TRIP12: variants seen among roughly 807,000 people sequenced by gnomAD.
The protein encoded by TRIP12 is E3 ubiquitin-protein ligase TRIP12.
Under a neutral mutation model 244.2 loss-of-function variants are expected in TRIP12, and 25 were observed. The ratio of observed to expected loss-of-function variants is 0.10; its 90% CI spans 0.07 to 0.14. TRIP12 has a LOEUF of 0.14. Ranked by LOEUF, TRIP12 falls within the 10% of genes least tolerant of loss-of-function variation. The pLI, the probability that TRIP12 is intolerant of heterozygous loss-of-function variation, is 1.00. For synonymous variants in TRIP12, 905 were observed against 873.1 expected, an observed-to-expected ratio of 1.04 and a Z score of -0.64; for missense variants, 1,677 against 2,486.4, an observed-to-expected ratio of 0.67 and a Z score of 6.92.
chr2:229,912,726 G>C (rs2074554644), intron 1 of TRIP12, among the ~76,000 whole-genome samples: 1 of 152,174 alleles, frequency 6.6e-6, no homozygotes, highest in Non-Finnish European at 1.5e-5. Flanking sequence ...GTTGTGTGCT[G>C]TAGTCGTAAG....
At chr2:229,837,424 C>T (rs1244159388) in intron 5 of TRIP12, among the ~76,000 whole-genome samples, 1 of 152,100 alleles carries the variant, frequency 6.6e-6, no homozygotes, top group Non-Finnish European at 1.5e-5. Context: ...CACCTGAGCT[C>T]AGGAGTTCAA....
intron 4 of TRIP12, 115 bp from the exon 5 acceptor site, chr2:229,841,042 T>C (rs1209236050): frequency 8.2e-6 from 6 of 731,216 alleles, no homozygotes; most frequent in Non-Finnish European, 1.3e-5. Flanking sequence ...TTTTATAACC[T>C]CTCCAGCAGT....
intron 1 of TRIP12, among the ~76,000 whole-genome samples, chr2:229,901,677 A>C (rs1195669062): frequency 6.6e-6 from 1 of 152,092 alleles, no homozygotes; most frequent in Non-Finnish European, 1.5e-5. Context: ...ACTTCAGAAC[A>C]GTTTTTTAGG....
At chr2:229,852,508 A>T (rs1184456017) in intron 4 of TRIP12, among the ~76,000 whole-genome samples, 1 of 152,204 alleles carries the variant, frequency 6.6e-6, no homozygotes, top group Non-Finnish European at 1.5e-5. Flanking sequence ...TACTGGTTTT[A>T]TATTTATGCT....
intron 2 of TRIP12, among the ~76,000 whole-genome samples, chr2:229,873,685 C>G (rs528210968): frequency 3.9e-5 from 6 of 152,228 alleles, no homozygotes; most frequent in African/African-American, 9.6e-5. Context: ...GAAAACACAA[C>G]TCTATTTCTT....
intron 34 of TRIP12, among the ~76,000 whole-genome samples, chr2:229,782,394 T>A (rs2038510306): frequency 6.6e-6 from 1 of 152,126 alleles, no homozygotes; most frequent in Non-Finnish European, 1.5e-5. Context: ...AAATGGTTCC[T>A]CAATCTTCCT....
At chr2:229,905,732 T>C (rs1390844886) in intron 1 of TRIP12, among the ~76,000 whole-genome samples, 1 of 152,088 alleles carries the variant, frequency 6.6e-6, no homozygotes, top group Non-Finnish European at 1.5e-5. Context: ...CAATGCATAT[T>C]AAAAGCTGGG....
intron 32 of TRIP12, among the ~76,000 whole-genome samples, chr2:229,788,456 T>C (rs905795327): frequency 1.3e-5 from 2 of 152,214 alleles, no homozygotes; most frequent in African/African-American, 4.8e-5. Flanking sequence ...CTTACATTTA[T>C]CACTGCAGTT....
At chr2:229,814,774 A>G (rs2048103750) in intron 11 of TRIP12, among the ~76,000 whole-genome samples, 1 of 152,190 alleles carries the variant, frequency 6.6e-6, no homozygotes, top group Non-Finnish European at 1.5e-5. Flanking sequence ...CACTGATTCA[A>G]CTTTCTCAGC....
chr2:229,919,745 TAC>T (rs1232231779), intron 1 of TRIP12, among the ~76,000 whole-genome samples: 3 of 152,200 alleles, frequency 2.0e-5, no homozygotes, highest in Admixed American at 1.3e-4. Context: ...TAATCTTAAT[TAC>T]AGTTTTCCAA....
chr2:229,861,285 G>C (rs1342571131), intron 2 of TRIP12, among the ~76,000 whole-genome samples: 8 of 152,106 alleles, frequency 5.3e-5, no homozygotes, highest in Non-Finnish European at 1.2e-4. Flanking sequence ...GCAAGTTTGA[G>C]GAACATGAAA....
intron 1 of TRIP12, among the ~76,000 whole-genome samples, chr2:229,912,569 CCAAA>C (rs1488895754): frequency 1.3e-5 from 2 of 152,138 alleles, no homozygotes; most frequent in East Asian, 1.9e-4. Flanking sequence ...ATATCTTCCT[CCAAA>C]CAATCAGGGC....
At chr2:229,896,772 A>G (rs185488178) in intron 1 of TRIP12, among the ~76,000 whole-genome samples, 2 of 152,304 alleles carry the variant, frequency 1.3e-5, no homozygotes, top group Admixed American at 6.5e-5. Flanking sequence ...ATGAAAGAAG[A>G]TGAAAAATAC....
At chr2:229,916,962 CAG>C (rs1276921437) in intron 1 of TRIP12, among the ~76,000 whole-genome samples, 1 of 151,964 alleles carries the variant, frequency 6.6e-6, no homozygotes, top group East Asian at 1.9e-4. Flanking sequence ...AGAAACCCAG[CAG>C]AGAGGTAGAG....
At chr2:229,847,319 G>A (rs2057767073) in intron 4 of TRIP12, among the ~76,000 whole-genome samples, 1 of 152,174 alleles carries the variant, frequency 6.6e-6, no homozygotes, top group Non-Finnish European at 1.5e-5. Context: ...GACATCAAAT[G>A]TCTATTTCAG....
At chr2:229,784,716 T>C (rs2039437913) in intron 34 of TRIP12, among the ~76,000 whole-genome samples, 1 of 152,012 alleles carries the variant, frequency 6.6e-6, no homozygotes. Context: ...GAAATAAAAA[T>C]TAAAACCACC....
intron 37 of TRIP12, 38 bp from the exon 38 acceptor site, chr2:229,774,299 A>C (rs979733118): frequency 6.4e-7 from 1 of 1,573,716 alleles, no homozygotes; most frequent in Non-Finnish European, 8.6e-7. Flanking sequence ...GTGTCAAGCA[A>C]AATTAACTTA....
intron 38 of TRIP12, 126 bp from the exon 39 acceptor site, chr2:229,771,758 C>T: frequency 3.2e-6 from 2 of 617,798 alleles, no homozygotes; most frequent in Non-Finnish European, 5.6e-6. Flanking sequence ...GTTATTAAGA[C>T]TTTAAAATAA....
chr2:229,793,424 C>A (rs548844276), intron 26 of TRIP12: 8 of 214,810 alleles, frequency 3.7e-5, no homozygotes, highest in African/African-American at 1.8e-4. Flanking sequence ...AGCAGAAATA[C>A]TTCACCCATG....
Sources: gnomAD v4.1 joint callset for allele counts (sites outside exome capture counted in the v4.1 genomes callset) on GRCh38, gnomAD v4.1.1 for gene constraint, MANE v1.5 for transcripts, NCBI Gene and HGNC (gene_info 2026-07-23, HGNC 2026-07-21) for gene names.